RSAD2: variants seen among roughly 807,000 people sequenced by gnomAD.
RSAD2 encodes the protein radical S-adenosyl methionine domain containing 2.
Under a neutral mutation model 37.7 loss-of-function variants are expected in RSAD2, and 38 were observed. The observed-to-expected ratio is 1.01, with a 90% CI of 0.78 to 1.32. The LOEUF (loss-of-function observed/expected upper bound fraction) is 1.32. RSAD2 is among the 40% of genes most tolerant of loss of function. The pLI is 0.00. For synonymous variants in RSAD2, 163 were observed against 157.4 expected (o/e 1.04, Z -0.27); for missense variants, 428 against 437.5 (o/e 0.98, Z 0.19).
At chr2:6,894,910 G>A (rs960064134) in intron 5 of RSAD2, among the ~76,000 whole-genome samples, 2 of 152,188 alleles carry the variant, frequency 1.3e-5, no homozygotes, top group South Asian at 4.1e-4. Context: ...TTTTTGGAGT[G>A]GAAATTATTA....
chr2:6,892,732 C>T (rs142240300), intron 4 of RSAD2, among the ~76,000 whole-genome samples: 3 of 151,906 alleles, frequency 2.0e-5, no homozygotes, highest in Non-Finnish European at 2.9e-5. Flanking sequence ...GAACTAGTTC[C>T]CAGATGATGC....
At position 6,896,883 on chromosome 2, in the gene RSAD2, G is replaced by A. The variant is rs1235057935; in HGVS notation, c.*941G>A. ...GGCCACATGAGGCTGTCAAGCAAAA[G>A]AATAGGAGTGTAGTTGAGTAGCTGG... is the stretch of plus-strand genomic sequence containing the variant. On this transcript the variant is annotated 3_prime_UTR_variant, in exon 6 of 6. Transcript: ENST00000382040. 1.3e-5 allele frequency: 2 copies of A among 152,182 alleles called. No homozygotes were observed. The highest frequency in any genetic ancestry group is 2.4e-5 in the African/African-American group (1 of 41,440). 9.4% of individuals were successfully genotyped at this position (152,182 alleles called of 1,614,324 possible). A position where few individuals can be genotyped will look rare whatever the true frequency, so the allele number is the denominator to read the frequency against.
Position 6,895,777 on chromosome 2 carries a change from G to A in RSAD2, c.922-1G>A. The A allele has an allele frequency of 6.2e-7, 1 of 1,611,234 alleles. No individual in the cohort carries two copies. Among genetic ancestry groups the A allele is most frequent in the African/African-American group, 1.3e-5 (1 of 74,822 alleles). On this transcript the variant is annotated splice_acceptor_variant, in intron 5 of 5. Coordinates refer to ENST00000382040, the MANE Select transcript of RSAD2 (RefSeq NM_080657.5). LOFTEE classifies it high-confidence loss of function. ...ACCAGTTTCTGTTATGAATTTTCTA[G>A]ATGCGCTTTCTGAACTGTAGAAAGG...
At chr2:6,895,730 A>G (rs1241829104) in intron 5 of RSAD2, 48 bp from the exon 6 acceptor site, 1 of 1,524,660 alleles carries the variant, frequency 6.6e-7, no homozygotes, top group Admixed American at 1.8e-5. Flanking sequence ...TGAGTTTTAC[A>G]GGATTCATCA....
upstream of RSAD2, among the ~76,000 whole-genome samples, chr2:6,875,889 C>T (rs1298268574): frequency 6.6e-6 from 1 of 152,084 alleles, no homozygotes; most frequent in Non-Finnish European, 1.5e-5. Context: ...TTTTCCGGTC[C>T]CAATTTAAAC....
At chr2:6,889,648 G>C (rs1663591786) in intron 3 of RSAD2, among the ~76,000 whole-genome samples, 2 of 152,134 alleles carry the variant, frequency 1.3e-5, no homozygotes, top group South Asian at 4.1e-4. Flanking sequence ...AGTATGTATA[G>C]AATAATACAC....
Position 6,887,144 on chromosome 2 carries a change from C to T in RSAD2, c.718C>T (p.Leu240=). 1 of 1,613,828 alleles carries T rather than the reference C, an allele frequency of 6.2e-7. No homozygotes were observed. Among genetic ancestry groups the T allele is most frequent in the Admixed American group, 1.7e-5 (1 of 60,026 alleles). Residue 240 remains leucine, a synonymous_variant, in exon 3 of 6, where the codon CTA becomes TTA. Coordinates refer to ENST00000382040, the MANE Select transcript of RSAD2 (RefSeq NM_080657.5). Reference sequence around the variant, plus strand: ...GGACATGACGGAACAGATCAAAGCACTAAACCCTGTCCGCTGGAAAGTAAG... The same window carrying T: ...GGACATGACGGAACAGATCAAAGCATTAAACCCTGTCCGCTGGAAAGTAAG... ...EEDMTEQIKA[L]NPVRWKVFQC...
chr2:6,890,059 C>A, intron 3 of RSAD2, 117 bp from the exon 4 acceptor site: 1 of 928,810 alleles, frequency 1.1e-6, no homozygotes, highest in Non-Finnish European at 1.6e-6. Context: ...TAGAATGTTC[C>A]TCAGCTCGTA....
At chr2:6,877,441 G>A (rs1012089837), upstream of RSAD2, among the ~76,000 whole-genome samples, 8 of 152,294 alleles carry the variant, frequency 5.3e-5, 1 homozygote, top group African/African-American at 4.8e-5. Flanking sequence ...AGTACAAAGC[G>A]TGCTGATTAA....
upstream of RSAD2, chr2:6,877,309 A>G (rs568445168): frequency 4.3e-5 from 7 of 161,934 alleles, no homozygotes; most frequent in South Asian, 9.9e-4. Flanking sequence ...GAGGTGAATG[A>G]TCCTGTACTC....
intron 1 of RSAD2, among the ~76,000 whole-genome samples, chr2:6,870,786 G>T (rs1328822905): frequency 6.6e-6 from 1 of 152,160 alleles, no homozygotes; most frequent in Non-Finnish European, 1.5e-5. Flanking sequence ...GTTTTGTGGG[G>T]ATGCTCACAG....
chr2:6,885,124 A>G (rs1663491197), intron 2 of RSAD2, among the ~76,000 whole-genome samples: 1 of 152,216 alleles, frequency 6.6e-6, no homozygotes, highest in Non-Finnish European at 1.5e-5. Context: ...AGAATAAAGG[A>G]TACAGAACAG....
rs531748568 is a variant in RSAD2, at chr2:6,897,567, A to G, written c.*1625A>G. On this transcript the variant is annotated 3_prime_UTR_variant, in exon 6 of 6. Transcript: ENST00000382040. ...TAGGTTGTCTTCTATTTTCCATTTT[A>G]CCTATTTACTTTTTTTGTAAGAAAA... The G allele has an allele frequency of 2.6e-5, 4 of 152,216 alleles. No individual in the cohort carries two copies. Among genetic ancestry groups the G allele is most frequent in the East Asian group, 1.9e-4 (1 of 5,188 alleles). The allele number at this position is 152,216 out of a possible 1,614,324, so 9.4% of individuals were successfully genotyped here.
chr2:6,871,158 G>A (rs1295054379), intron 1 of RSAD2, among the ~76,000 whole-genome samples: 1 of 152,200 alleles, frequency 6.6e-6, no homozygotes, highest in African/African-American at 2.4e-5. Context: ...TAACTACAAA[G>A]TGAGTGAGCA....
rs3085176 is a variant in RSAD2 at position 6,897,994 on chromosome 2, C to CA, written c.*2072dup. The stretch of plus-strand genomic sequence containing the variant: ...TGGATGACAGAGCAAGACTCCGTCT[C>CA]AAAAAAAAAAAAAAAAAAAAGCAAG... On this transcript the variant is annotated 3_prime_UTR_variant, in exon 6 of 6. Coordinates refer to ENST00000382040, the MANE Select transcript of RSAD2 (RefSeq NM_080657.5). 18,887 of 67,680 alleles carry CA rather than the reference C, an allele frequency of 0.28. 2,251 individuals are homozygous for CA. Among genetic ancestry groups the CA allele is most frequent in the Non-Finnish European group, 0.36 (12,638 of 34,832 alleles). The allele number at this position is 67,680 out of a possible 1,614,324, so 4.2% of individuals were successfully genotyped here.
intron 4 of RSAD2, among the ~76,000 whole-genome samples, chr2:6,891,494 G>A (rs1047245067): frequency 1.3e-5 from 2 of 152,154 alleles, no homozygotes; most frequent in African/African-American, 2.4e-5. Flanking sequence ...CCGGCCGGGC[G>A]CGGTGGCTCA....
At chr2:6,867,836 G>A (rs138845455) in intron 1 of RSAD2, among the ~76,000 whole-genome samples, 3 of 152,118 alleles carry the variant, frequency 2.0e-5, no homozygotes, top group Non-Finnish European at 4.4e-5. Flanking sequence ...TTCGCCCTAC[G>A]AAGAGATGTA....
rs1663533994 is a variant in RSAD2 at position 6,886,977 on chromosome 2, A to T, written c.551A>T (p.Asp184Val). 6.2e-7 allele frequency: 1 copy of T among 1,614,196 alleles called. No individual in the cohort carries two copies. The highest frequency in any genetic ancestry group is 8.5e-7 in the Non-Finnish European group (1 of 1,180,020). ...CTCGCTATCTCCTGTGACAGCTTTG[A>T]CGAGGAAGTCAATGTCCTTATTGGC... ...DILAISCDSF[D>V]EEVNVLIGRG... is the part of the protein sequence containing the mutation. The change falls in exon 3 of 6, where the codon GAC becomes GTC. Residue 184 changes from aspartate to valine, a missense_variant. Physicochemically the swap from Asp to Val is radical, Grantham distance 152. Transcript: ENST00000382040.
intron 1 of RSAD2, among the ~76,000 whole-genome samples, chr2:6,867,022 C>T (rs999933724): frequency 1.3e-5 from 2 of 152,146 alleles, no homozygotes; most frequent in African/African-American, 4.8e-5. Context: ...AGGAATTTCA[C>T]TTTTGGACAT....
Sources: allele counts gnomAD v4.1 joint callset (sites outside exome capture counted in the v4.1 genomes callset), GRCh38; gene constraint gnomAD v4.1.1; transcripts MANE v1.5; gene names NCBI Gene and HGNC (gene_info 2026-07-23, HGNC 2026-07-21).